The following NDUFAF7 variants were observed in gnomAD, a reference collection of about 807,000 sequenced individuals.
NDUFAF7 encodes the protein protein arginine methyltransferase NDUFAF7, mitochondrial.
Under a neutral mutation model 47.2 loss-of-function variants are expected in NDUFAF7, and 48 were observed. That is an observed-to-expected ratio of 1.02 (90% CI 0.81 to 1.29). NDUFAF7 has a LOEUF of 1.29. NDUFAF7 is among the 50% of genes most tolerant of loss of function. NDUFAF7 has a pLI of 0.00. For synonymous variants in NDUFAF7, 217 were observed against 190.0 expected (o/e 1.14, Z -1.17); for missense variants, 635 against 537.6 (o/e 1.18, Z -1.79).
rs1180690848 is a variant in NDUFAF7, at chr2:37,242,636, G to T, written c.624G>T (p.Gly208=). 2 of 1,586,176 alleles carry T rather than the reference G, an allele frequency of 1.3e-6. No homozygotes were observed. The highest frequency in any genetic ancestry group is 8.7e-7 in the Non-Finnish European group (1 of 1,155,212). Residue 208 remains glycine (G), a splice_region_variant and synonymous_variant, in exon 6 of 10, where the codon GGG becomes GGT. Transcript: ENST00000002125. ...AATTGTTTTCCTCTTTTTAAATAGG[G>T]TACAGCTTTTATCTTGCACATGAAT... The part of the protein sequence containing the change: ...WYRDLHDVPK[G]YSFYLAHEFF...
rs529658257 is a variant in NDUFAF7, at chr2:37,245,462, A to G, written c.793-590A>G. Among the ~76,000 whole-genome samples the G allele has an allele frequency of 2.0e-5, 3 of 152,330 alleles. No individual in the cohort carries two copies. In the East Asian group the frequency reaches 5.8e-4, roughly 29 times the overall value. On this transcript the variant is annotated intron_variant, in intron 7 of 9. Coordinates refer to ENST00000002125, the MANE Select transcript of NDUFAF7 (RefSeq NM_144736.5). ...CACACTTATTGTGGCCCCTTAGTTAAGTGGACATCTTGGGGTAATAACGGT... is the reference window on the plus strand; with the variant it reads ...CACACTTATTGTGGCCCCTTAGTTAGGTGGACATCTTGGGGTAATAACGGT...
At chr2:37,251,404 C>T (rs547511671), downstream of NDUFAF7, 7 of 152,626 alleles carry the variant, frequency 4.6e-5, no homozygotes, top group Non-Finnish European at 8.8e-5. Flanking sequence ...TTAATCTCCC[C>T]TTGCCTCAGT....
At chr2:37,241,848 G>T in intron 5 of NDUFAF7, 57 bp downstream of exon 5, 2 of 1,479,832 alleles carry the variant, frequency 1.4e-6, no homozygotes, top group Non-Finnish European at 1.9e-6. Context: ...TCACAGTATT[G>T]ATGGGACTGT....
At chr2:37,270,780 T>G in the NDUFAF7 span, among the ~76,000 whole-genome samples, 1 of 152,254 alleles carries the variant, frequency 6.6e-6, no homozygotes. Context: ...AACCAAATTT[T>G]GGTTCTAATC....
intron 3 of NDUFAF7, among the ~76,000 whole-genome samples, 168 bp downstream of exon 3, chr2:37,236,344 A>C (rs1665750922): frequency 6.6e-6 from 1 of 152,126 alleles, no homozygotes; most frequent in South Asian, 2.1e-4. Flanking sequence ...GAGGGGAGTA[A>C]AATGGTAGAG....
downstream of NDUFAF7, chr2:37,250,394 T>TTTAAC (rs1192036264): frequency 2.0e-5 from 3 of 152,206 alleles, no homozygotes; most frequent in African/African-American, 7.2e-5. Flanking sequence ...ATATTAGGTT[T>TTTAAC]TTAACTTTTT....
the NDUFAF7 span, chr2:37,260,191 G>T: frequency 6.5e-7 from 1 of 1,548,034 alleles, no homozygotes; most frequent in Non-Finnish European, 8.8e-7. Context: ...GTTTTTAATC[G>T]CTAGTTTAAA....
the NDUFAF7 span, among the ~76,000 whole-genome samples, chr2:37,259,160 T>C: frequency 6.6e-6 from 1 of 152,216 alleles, no homozygotes; most frequent in Non-Finnish European, 1.5e-5. Context: ...AGAAATGTTA[T>C]TTTATGTAGG....
rs867678930 is a variant in NDUFAF7 at position 37,248,741 on chromosome 2, C to G, written c.*391C>G. On this transcript the variant is annotated 3_prime_UTR_variant, in exon 10 of 10. Coordinates refer to ENST00000002125, the MANE Select transcript of NDUFAF7 (RefSeq NM_144736.5). ...ACCAGCCTGACCAAAATGGAGAAAC[C>G]CCATCTCTACTAAAAATACAAAACT... 3 of 274,382 alleles carry G rather than the reference C, an allele frequency of 1.1e-5. No individual in the cohort carries two copies. Among genetic ancestry groups the G allele is most frequent in the Non-Finnish European group, 1.4e-5 (2 of 140,504 alleles). 17.0% of individuals were successfully genotyped at this position (274,382 alleles called of 1,614,324 possible).
chr2:37,248,537 G>T lies in NDUFAF7; in HGVS notation c.*187G>T, dbSNP rs1667166607. The T allele has an allele frequency of 1.6e-6, 1 of 637,734 alleles. No homozygotes were observed. Among genetic ancestry groups the T allele is most frequent in the African/African-American group, 1.8e-5 (1 of 54,988 alleles). 39.5% of individuals were successfully genotyped at this position (637,734 alleles called of 1,614,324 possible). On this transcript the variant is annotated 3_prime_UTR_variant, in exon 10 of 10. Coordinates refer to ENST00000002125, the MANE Select transcript of NDUFAF7 (RefSeq NM_144736.5). Reference sequence around the variant, plus strand: ...GGTTGTGACTGGCTTTGGTGCAAATGTGTGCTCAAGCTAATAAGTTATTGT... The same window carrying T: ...GGTTGTGACTGGCTTTGGTGCAAATTTGTGCTCAAGCTAATAAGTTATTGT...
intron 9 of NDUFAF7, 55 bp downstream of exon 9, chr2:37,247,684 T>G: frequency 6.3e-7 from 1 of 1,588,896 alleles, no homozygotes; most frequent in South Asian, 1.1e-5. Context: ...TTTCAAAAAT[T>G]ACTTTAAATA....
chr2:37,250,922 G>A (rs1338410676), downstream of NDUFAF7: 1 of 152,628 alleles, frequency 6.6e-6, no homozygotes, highest in Admixed American at 6.5e-5. Flanking sequence ...TTCAACTCCA[G>A]ATTCTCTGAC....
the NDUFAF7 span, chr2:37,260,177 A>G: frequency 6.6e-7 from 1 of 1,515,000 alleles, no homozygotes; most frequent in African/African-American, 1.4e-5. Context: ...AAAAAAAAAA[A>G]TTAGTTTTTA....
At chr2:37,241,319 C>G (rs557315505) in intron 4 of NDUFAF7, among the ~76,000 whole-genome samples, 1 of 151,922 alleles carries the variant, frequency 6.6e-6, no homozygotes, top group Non-Finnish European at 1.5e-5. Flanking sequence ...TATCAGATGC[C>G]AAATCTTTTA....
At chr2:37,253,724 T>TA (rs1377443509), downstream of NDUFAF7, among the ~76,000 whole-genome samples, 1 of 152,208 alleles carries the variant, frequency 6.6e-6, no homozygotes, top group Non-Finnish European at 1.5e-5. Context: ...TAGTAACTGG[T>TA]AGATGAGATT....
intron 1 of NDUFAF7, 69 bp from the exon 2 acceptor site, chr2:37,232,037 G>A: frequency 6.2e-7 from 1 of 1,612,596 alleles, no homozygotes; most frequent in East Asian, 2.2e-5. Flanking sequence ...TTTTGAAAAC[G>A]CTCAGGCGGC....
In NDUFAF7 at chr2:37,231,687, C is replaced by G. The variant is rs781455945; in HGVS notation, c.-19C>G. The G allele has an allele frequency of 6.2e-7, 1 of 1,614,200 alleles. No individual in the cohort carries two copies. The highest frequency in any genetic ancestry group is 8.5e-7 in the Non-Finnish European group (1 of 1,180,024). On this transcript the variant is annotated 5_prime_UTR_variant, in exon 1 of 10. Transcript: ENST00000002125. ...AAGCCCCAGCTCCTGGCGGAGCGAGCTAGCCTGCGAATTTCAGCATGAGTG... is the reference window on the plus strand; with the variant it reads ...AAGCCCCAGCTCCTGGCGGAGCGAGGTAGCCTGCGAATTTCAGCATGAGTG...
At chr2:37,244,095 GGT>G (rs1365586867) in intron 7 of NDUFAF7, 122 bp downstream of exon 7, 1 of 837,600 alleles carries the variant, frequency 1.2e-6, no homozygotes, top group African/African-American at 1.7e-5. Flanking sequence ...TAGCATACGA[GGT>G]GCTTTTTATT....
intron 7 of NDUFAF7, among the ~76,000 whole-genome samples, chr2:37,244,551 T>C (rs916969280): frequency 4.8e-5 from 7 of 147,204 alleles, no homozygotes; most frequent in African/African-American, 1.5e-4. Flanking sequence ...AGCCTGTCTA[T>C]TGTGGCTTGT....
Sources: allele counts gnomAD v4.1 joint callset (sites outside exome capture counted in the v4.1 genomes callset), GRCh38; gene constraint gnomAD v4.1.1; transcripts MANE v1.5; gene names NCBI Gene and HGNC (gene_info 2026-07-23, HGNC 2026-07-21).